KIF2C: variants seen among roughly 807,000 people sequenced by gnomAD.
The protein encoded by KIF2C is kinesin-like protein KIF2C.
KIF2C carries 34 observed loss-of-function variants against 97.4 expected under a neutral mutation model. That is an observed-to-expected ratio of 0.35 (90% CI 0.27 to 0.46). The LOEUF is 0.46. Ranked by LOEUF, KIF2C falls within the 20% of genes least tolerant of loss-of-function variation. The probability of loss-of-function intolerance (pLI) is 1.00; values close to 1 mark genes in which losing one functional copy is unlikely to be tolerated. For synonymous variants in KIF2C, 313 were observed against 318.2 expected (o/e 0.98, Z 0.17); for missense variants, 750 against 907.6 (o/e 0.83, Z 2.23).
intron 2 of KIF2C, among the ~76,000 whole-genome samples, chr1:44,741,512 T>C (rs1229287734): frequency 6.6e-6 from 1 of 151,980 alleles, no homozygotes; most frequent in African/African-American, 2.4e-5. Context: ...TGTTGAGACC[T>C]TGTCTCTACA....
In KIF2C at chr1:44,753,245, G is replaced by A. The variant is rs1273176058; in HGVS notation, c.553G>A (p.Val185Met). The A allele has an allele frequency of 1.9e-6, 3 of 1,612,904 alleles. No homozygotes were observed. In the Admixed American group the frequency reaches 5.0e-5, roughly 27 times the overall value. Residue 185 changes from valine to methionine, a missense_variant, in exon 6 of 21, where the codon GTG (valine) becomes ATG (methionine). Coordinates refer to ENST00000372224, the MANE Select transcript of KIF2C (RefSeq NM_006845.4). The stretch of plus-strand genomic sequence containing the variant: ...CCGAGGCAGCTCTTCTGCAAACCCT[G>A]TGAACTCAGGTAGACACACTGAGCT... ...SIRGSSSANP[V>M]NSVRRKSCLV...
chr1:44,754,591 C>T (rs1372192700), intron 7 of KIF2C, among the ~76,000 whole-genome samples, 159 bp from the exon 8 acceptor site: 6 of 152,170 alleles, frequency 3.9e-5, no homozygotes, highest in Non-Finnish European at 8.8e-5. Flanking sequence ...CCAATCTCTT[C>T]CCCAGTGCTT....
chr1:44,751,475 C>T (rs531071536), intron 5 of KIF2C, among the ~76,000 whole-genome samples: 1 of 149,314 alleles, frequency 6.7e-6, no homozygotes, highest in Non-Finnish European at 1.5e-5. Flanking sequence ...GGATTACAGG[C>T]GTGAGCCACC....
chr1:44,746,357 A>G, intron 2 of KIF2C: 1 of 1,042,526 alleles, frequency 9.6e-7, no homozygotes, highest in Non-Finnish European at 1.2e-6. Context: ...TAAACTTAGA[A>G]TTGTGACCTC....
rs774709836 is a variant in KIF2C at position 44,750,548 on chromosome 1, G to C, written c.423G>C (p.Lys141Asn). Residue 141 changes from lysine (K) to asparagine (N), a missense_variant, in exon 5 of 21, where the codon AAG (lysine) becomes AAC (asparagine). Transcript: ENST00000372224. Reference sequence around the variant, plus strand: ...TGCCTGCAGCTGCAAACTCCCGCAAGCAGTTTTCAGTTCCTCGTGAGTAAC... The same window carrying C: ...TGCCTGCAGCTGCAAACTCCCGCAACCAGTTTTCAGTTCCTCGTGAGTAAC... ...VELPAAANSR[K>N]QFSVPPAPTR... 3.2e-6 allele frequency: 5 copies of C among 1,575,482 alleles called. No homozygotes were observed. The highest frequency in any genetic ancestry group is 4.3e-6 in the Non-Finnish European group (5 of 1,157,838).
rs1274696222 is a variant in KIF2C, at chr1:44,760,253, G to T, written c.1368-27G>T. ...GGTGCCATGGGGGCTGGTGACCACA[G>T]AATCTCATAACCTTTCTTTACCACA... On this transcript the variant is annotated intron_variant, in intron 14 of 20. Coordinates refer to ENST00000372224, the MANE Select transcript of KIF2C (RefSeq NM_006845.4). This position sits in a 1 kb window ranked among gnomAD's most constrained non-coding sequence, Gnocchi z 4.2. 6.2e-7 allele frequency: 1 copy of T among 1,609,136 alleles called. No individual in the cohort carries two copies. Among genetic ancestry groups the T allele is most frequent in the Non-Finnish European group, 8.5e-7 (1 of 1,176,132 alleles).
intron 7 of KIF2C, 125 bp downstream of exon 7, chr1:44,753,958 CTTTTTTTTT>C (rs34685023): frequency 5.7e-4 from 39 of 67,906 alleles, no homozygotes; most frequent in East Asian, 2.0e-3. Context: ...GGCCCCAATT[CTTTTTTTTT>C]TTTTTTTTTT....
chr1:44,741,043 G>A (rs976962823), intron 2 of KIF2C, 36 bp downstream of exon 2: 13 of 1,475,590 alleles, frequency 8.8e-6, no homozygotes, highest in Non-Finnish European at 1.2e-5. Flanking sequence ...CACATTTAAT[G>A]TCTTCCTACA....
At chr1:44,753,627 TGGGAAA>T in intron 6 of KIF2C, 100 bp from the exon 7 acceptor site, 1 of 704,294 alleles carries the variant, frequency 1.4e-6, no homozygotes, top group Non-Finnish European at 2.4e-6. Context: ...GGCCTCTCCC[TGGGAAA>T]GGCCCAGTAC....
At chr1:44,742,165 A>C (rs1341811930) in intron 2 of KIF2C, among the ~76,000 whole-genome samples, 3 of 151,830 alleles carry the variant, frequency 2.0e-5, no homozygotes, top group Non-Finnish European at 4.4e-5. Flanking sequence ...GCTGGAGTGC[A>C]GTGGCGAGAT....
At chr1:44,756,302 G>A (rs958766569) in intron 10 of KIF2C, 65 bp downstream of exon 10, 24 of 1,482,964 alleles carry the variant, frequency 1.6e-5, no homozygotes, top group African/African-American at 8.3e-5. Context: ...GTGGGACATC[G>A]TGGTAACACT....
intron 16 of KIF2C, among the ~76,000 whole-genome samples, chr1:44,761,334 G>A (rs1650130579): frequency 1.3e-5 from 2 of 152,004 alleles, no homozygotes; most frequent in Non-Finnish European, 2.9e-5. Flanking sequence ...GGCTGGGCGC[G>A]GTGGCTCACG....
rs1018342756 is a variant in KIF2C at position 44,762,276 on chromosome 1, G to T, written c.1752-70G>T. 7.3e-6 allele frequency: 10 copies of T among 1,371,490 alleles called. No individual in the cohort carries two copies. The African/African-American group carries it at 1.4e-4, about 20-fold the overall frequency. The allele number at this position is 1,371,490 out of a possible 1,614,324, so 85.0% of individuals were successfully genotyped here. A position where few individuals can be genotyped will look rare whatever the true frequency, so the allele number is the denominator to read the frequency against. The stretch of plus-strand genomic sequence containing the variant: ...TTGGAGCCTCAAGCCTCGAAGCCTG[G>T]GCGGTGCCACATTCCTCTGGTGAGT... On this transcript the variant is annotated intron_variant, in intron 17 of 20. Coordinates refer to ENST00000372224, the MANE Select transcript of KIF2C (RefSeq NM_006845.4).
At chr1:44,750,615 T>C (rs754858002) in intron 5 of KIF2C, 51 bp downstream of exon 5, 7 of 1,417,370 alleles carry the variant, frequency 4.9e-6, no homozygotes, top group South Asian at 1.7e-5. Flanking sequence ...CTGGAGCACA[T>C]TGCTTGGTCC....
intron 2 of KIF2C, among the ~76,000 whole-genome samples, chr1:44,745,963 G>A (rs1295541192): frequency 2.0e-5 from 3 of 151,822 alleles, no homozygotes; most frequent in African/African-American, 7.3e-5. Flanking sequence ...TGCAAGCTCC[G>A]CCTCCTGGGT....
Position 44,759,362 on chromosome 1 carries a change from T to G in KIF2C, c.1367+14T>G, listed in dbSNP as rs1390565898. ...CAGCGCCTGCAGGTGAGAGTCCTGG[T>G]GAGGGGAAGGAGCGACCTTCTCATG... On this transcript the variant is annotated intron_variant, in intron 14 of 20. Coordinates refer to ENST00000372224, the MANE Select transcript of KIF2C (RefSeq NM_006845.4). 6.2e-7 allele frequency: 1 copy of G among 1,613,800 alleles called. No homozygotes were observed. Among genetic ancestry groups the G allele is most frequent in the African/African-American group, 1.3e-5 (1 of 75,016 alleles).
rs544746489 is a variant in KIF2C, at chr1:44,759,215, C to T, written c.1234C>T (p.Leu412=). The T allele has an allele frequency of 6.2e-7, 1 of 1,613,968 alleles. No homozygotes were observed. Among genetic ancestry groups the T allele is most frequent in the Non-Finnish European group, 8.5e-7 (1 of 1,180,012 alleles). Reference sequence around the variant, plus strand: ...CCCCTGCCTGGCACAGCTGTTTGACCTGCTCAACAAGAAGGCCAAGCTGCG... The same window carrying T: ...CCCCTGCCTGGCACAGCTGTTTGACTTGCTCAACAAGAAGGCCAAGCTGCG... The part of the protein sequence containing the change: ...FEIYNGKLFD[L]LNKKAKLRVL... The change falls in exon 14 of 21, where the codon CTG becomes TTG. Residue 412 remains leucine (L), a synonymous_variant. Coordinates refer to ENST00000372224, the MANE Select transcript of KIF2C (RefSeq NM_006845.4).
Position 44,756,353 on chromosome 1 carries a change from T to C in KIF2C, c.977+116T>C, listed in dbSNP as rs1438634271. 11 of 1,106,570 alleles carry C rather than the reference T, an allele frequency of 9.9e-6. No homozygotes were observed. The Admixed American group carries it at 2.0e-4, about 20-fold the overall frequency. The allele number at this position is 1,106,570 out of a possible 1,614,324, so 68.5% of individuals were successfully genotyped here. On this transcript the variant is annotated intron_variant, in intron 10 of 20. Transcript: ENST00000372224. ...GAATTCTGAGGCTCTTCCTCGCTTC[T>C]TGTGTTTTCTTTGGGTCACACCCTT...
chr1:44,749,533 C>T (rs892920986), intron 4 of KIF2C, among the ~76,000 whole-genome samples: 1 of 152,042 alleles, frequency 6.6e-6, no homozygotes, highest in Admixed American at 6.6e-5. Context: ...AGGAAGATGG[C>T]TTGAACCTAG....
Sources: allele counts gnomAD v4.1 joint callset (sites outside exome capture counted in the v4.1 genomes callset), GRCh38; gene constraint gnomAD v4.1.1; non-coding constraint Gnocchi (gnomAD v3.1); transcripts MANE v1.5; gene names NCBI Gene and HGNC (gene_info 2026-07-23, HGNC 2026-07-21).